Variants in HMCN1 observed in about 807,000 individuals in gnomAD.
HMCN1 encodes the protein hemicentin-1.
In HMCN1, 321 loss-of-function variants were observed where a neutral mutation model predicts 625.9. The ratio of observed to expected loss-of-function variants is 0.51; its 90% CI spans 0.47 to 0.56. HMCN1 has a LOEUF of 0.56. Ranked by LOEUF, HMCN1 falls within the 20% of genes least tolerant of loss-of-function variation. The pLI is 0.00. For synonymous variants in HMCN1, 2,425 were observed against 2,417.6 expected, an observed-to-expected ratio of 1.00 and a Z score of -0.09; for missense variants, 6,588 against 6,887.3, an observed-to-expected ratio of 0.96 and a Z score of 1.54.
Position 186,001,292 on chromosome 1 carries a change from T to C in HMCN1, c.4070-6T>C. The C allele has an allele frequency of 6.2e-7, 1 of 1,609,910 alleles. No homozygotes were observed. The highest frequency in any genetic ancestry group is 1.1e-5 in the South Asian group (1 of 91,006). On this transcript the variant is annotated splice_region_variant and splice_polypyrimidine_tract_variant and intron_variant, in intron 26 of 106. Coordinates refer to ENST00000271588, the MANE Select transcript of HMCN1 (RefSeq NM_031935.3). ...CTAGCTAGCTATGACTCCTCTCTTT[T>C]TGCAGTTCCTCCAGTAATTAAAGAT...
At chr1:185,971,005 A>T (rs1650785859) in intron 15 of HMCN1, among the ~76,000 whole-genome samples, 1 of 152,074 alleles carries the variant, frequency 6.6e-6, no homozygotes, top group African/African-American at 2.4e-5. Context: ...ATACGGAAAG[A>T]TCCTAAAATT....
At chr1:185,981,634 A>G (rs936184882) in intron 17 of HMCN1, among the ~76,000 whole-genome samples, 1 of 152,158 alleles carries the variant, frequency 6.6e-6, no homozygotes, top group African/African-American at 2.4e-5. Flanking sequence ...ATCTGTCAGT[A>G]CATGTTTCTC....
chr1:185,910,985 A>C (rs1666385102), intron 5 of HMCN1, among the ~76,000 whole-genome samples: 5 of 152,192 alleles, frequency 3.3e-5, no homozygotes. Flanking sequence ...AGTTCCAACT[A>C]TTAGACACTT....
At position 185,734,802 on chromosome 1, in the gene HMCN1, A is replaced by T. The variant is rs1204886555; in HGVS notation, c.23A>T (p.His8Leu). 3 of 1,614,016 alleles carry T rather than the reference A, an allele frequency of 1.9e-6. No individual in the cohort carries two copies. In the Admixed American group the frequency reaches 5.0e-5, roughly 27 times the overall value. MISWEVVHTVFLFALLYS... is the reference protein window; with the variant it reads MISWEVVLTVFLFALLYS... ...AAAATGATTTCCTGGGAAGTTGTCC[A>T]TACAGTATTCCTGTTTGCTCTTCTT... is the stretch of plus-strand genomic sequence containing the variant. The change falls in exon 1 of 107, where the codon CAT becomes CTT. Residue 8 changes from histidine (H) to leucine (L), a missense_variant. Physicochemically the swap from His to Leu is moderately conservative, Grantham distance 99. Around this residue, in one of 3 missense-constraint regions of HMCN1, gnomAD observed 4,628 missense variants for 4,853.1 expected, o/e 0.95. Coordinates refer to ENST00000271588, the MANE Select transcript of HMCN1 (RefSeq NM_031935.3).
At chr1:185,815,116 A>G (rs1659764208) in intron 1 of HMCN1, among the ~76,000 whole-genome samples, 1 of 150,434 alleles carries the variant, frequency 6.6e-6, no homozygotes, top group Non-Finnish European at 1.5e-5. Context: ...TGGCAAATAC[A>G]GCTTATACTT....
At chr1:186,093,732 T>G in intron 66 of HMCN1, 63 bp downstream of exon 66, 1 of 1,602,314 alleles carries the variant, frequency 6.2e-7, no homozygotes, top group Non-Finnish European at 8.5e-7. Flanking sequence ...AGACTTTTCC[T>G]TCATTTAAAC....
At chr1:185,997,025 G>T (rs900161932) in intron 24 of HMCN1, among the ~76,000 whole-genome samples, 1 of 152,106 alleles carries the variant, frequency 6.6e-6, no homozygotes, top group Non-Finnish European at 1.5e-5. Flanking sequence ...TATTGGAATA[G>T]CCTGGTAAGA....
chr1:186,111,250 G>A (rs1660872864), intron 71 of HMCN1, among the ~76,000 whole-genome samples: 6 of 151,822 alleles, frequency 4.0e-5, no homozygotes, highest in Admixed American at 3.9e-4. Context: ...CAAAGTGCTG[G>A]GATTACAGGC....
chr1:186,009,537 A>G (rs1382783387), intron 30 of HMCN1, among the ~76,000 whole-genome samples: 3 of 152,186 alleles, frequency 2.0e-5, no homozygotes, highest in Non-Finnish European at 4.4e-5. Context: ...AAGAATACAT[A>G]TGTAGATTTC....
chr1:185,826,760 ATAC>A (rs1660537495), intron 1 of HMCN1, among the ~76,000 whole-genome samples: 1 of 152,174 alleles, frequency 6.6e-6, no homozygotes, highest in African/African-American at 2.4e-5. Flanking sequence ...AAGGAAATAA[ATAC>A]ACAATCAAAA....
chr1:185,991,623 T>C (rs939906728), intron 22 of HMCN1, among the ~76,000 whole-genome samples: 3 of 152,224 alleles, frequency 2.0e-5, no homozygotes, highest in Non-Finnish European at 4.4e-5. Flanking sequence ...GGGATTCCAT[T>C]TATTCATTTT....
Position 186,145,855 on chromosome 1 carries a change from T to A in HMCN1, c.14540T>A (p.Val4847Asp). 1 of 1,613,920 alleles carries A rather than the reference T, an allele frequency of 6.2e-7. No homozygotes were observed. Among genetic ancestry groups the A allele is most frequent in the Non-Finnish European group, 8.5e-7 (1 of 1,179,950 alleles). ...RKRLCDHPVPVKGGRPCPGDT... is the reference protein window; with the variant it reads ...RKRLCDHPVPDKGGRPCPGDT... ...CGGCTGTGCGACCATCCTGTGCCAG[T>A]TAAAGGTGGCCGTCCCTGTCCCGGA... Residue 4847 changes from valine (V) to aspartate (D), a missense_variant, in exon 93 of 107, where the codon GTT becomes GAT. This residue lies in a region of HMCN1 where 1,954 missense variants were observed against 2,013.1 expected (regional missense o/e 0.97). Transcript: ENST00000271588.
intron 1 of HMCN1, among the ~76,000 whole-genome samples, chr1:185,740,595 C>G (rs1420301626): frequency 1.3e-5 from 2 of 150,912 alleles, no homozygotes; most frequent in Non-Finnish European, 2.9e-5. Context: ...AGGTAGATCT[C>G]TCATGGACAG....
At chr1:185,990,161 T>A in intron 21 of HMCN1, 114 bp from the exon 22 acceptor site, 1 of 969,546 alleles carries the variant, frequency 1.0e-6, no homozygotes, top group Non-Finnish European at 1.7e-6. Flanking sequence ...ATGTCCTGAA[T>A]AGCATCTTTT....
intron 4 of HMCN1, among the ~76,000 whole-genome samples, chr1:185,879,395 C>T (rs1664154806): frequency 1.3e-5 from 2 of 152,248 alleles, no homozygotes; most frequent in South Asian, 4.1e-4. Context: ...TGGTTTCAAA[C>T]TCTTGGGTTC....
intron 42 of HMCN1, among the ~76,000 whole-genome samples, chr1:186,050,340 G>A (rs1331708018): frequency 1.3e-5 from 2 of 151,850 alleles, no homozygotes; most frequent in Non-Finnish European, 2.9e-5. Flanking sequence ...AAAAACATAA[G>A]GTTGCAATGA....
chr1:186,042,653 G>A (rs1656285277), intron 40 of HMCN1, among the ~76,000 whole-genome samples: 1 of 152,110 alleles, frequency 6.6e-6, no homozygotes, highest in Admixed American at 6.6e-5. Flanking sequence ...ATATGTTTTT[G>A]AATGTTTATA....
Position 186,019,576 on chromosome 1 carries a change from A to G in HMCN1, c.5506A>G (p.Arg1836Gly), listed in dbSNP as rs759142935. 6.2e-7 allele frequency: 1 copy of G among 1,610,724 alleles called. No homozygotes were observed. Among genetic ancestry groups the G allele is most frequent in the South Asian group, 1.1e-5 (1 of 91,018 alleles). Residue 1836 changes from arginine (R) to glycine (G), a missense_variant, in exon 35 of 107, where the codon AGA becomes GGA. Coordinates refer to ENST00000271588, the MANE Select transcript of HMCN1 (RefSeq NM_031935.3). Reference protein sequence around the residue: ...PTIKSSGLSERVVVKYKPVAL... With the variant: ...PTIKSSGLSEGVVVKYKPVAL... The stretch of plus-strand genomic sequence containing the variant: ...AATCAAGTCCTCAGGCCTTTCTGAG[A>G]GAGTTGTGGTAAAATACAAGCCTGT...
At chr1:186,012,151 C>T (rs952293648) in intron 30 of HMCN1, among the ~76,000 whole-genome samples, 2 of 151,396 alleles carry the variant, frequency 1.3e-5, no homozygotes, top group African/African-American at 4.9e-5. Context: ...TGCTTGCTGG[C>T]GAATAATACA....
Sources: allele counts gnomAD v4.1 joint callset (sites outside exome capture counted in the v4.1 genomes callset), GRCh38; gene constraint gnomAD v4.1.1; regional missense constraint gnomAD v4.1.1; transcripts MANE v1.5; gene names NCBI Gene and HGNC (gene_info 2026-07-23, HGNC 2026-07-21).